FSTL4: variants seen among roughly 807,000 people sequenced by gnomAD.
The protein encoded by FSTL4 is follistatin-related protein 4.
Under a neutral mutation model 78.2 loss-of-function variants are expected in FSTL4, and 28 were observed. That is an observed-to-expected ratio of 0.36 (90% CI 0.27 to 0.49). FSTL4 has a LOEUF of 0.49. Among genes scored for constraint, FSTL4 ranks in the 20% least tolerant of loss-of-function variants. The pLI, the probability that FSTL4 is intolerant of heterozygous loss-of-function variation, is 0.98. For synonymous variants in FSTL4, 422 were observed against 440.5 expected (o/e 0.96, Z 0.53); for missense variants, 922 against 1,084.9 (o/e 0.85, Z 2.11).
chr5:133,392,046 G>A (rs1755862730), intron 4 of FSTL4, among the ~76,000 whole-genome samples: 1 of 152,166 alleles, frequency 6.6e-6, no homozygotes, highest in African/African-American at 2.4e-5. Flanking sequence ...AAGGGTTCGA[G>A]CAGGACAGCA....
chr5:133,381,344 C>T (rs542638747), intron 4 of FSTL4, among the ~76,000 whole-genome samples: 2 of 152,210 alleles, frequency 1.3e-5, no homozygotes, highest in South Asian at 4.1e-4. Flanking sequence ...TGACTATACC[C>T]CATATGAACT....
chr5:133,695,237 C>T, the FSTL4 span, among the ~76,000 whole-genome samples: 184 of 152,236 alleles, frequency 1.2e-3, no homozygotes, highest in African/African-American at 4.1e-3. Flanking sequence ...AATGAAGCTT[C>T]GCTAGCACAT....
chr5:133,638,920 A>AG, the FSTL4 span, among the ~76,000 whole-genome samples: 8 of 69,880 alleles, frequency 1.1e-4, no homozygotes, highest in South Asian at 9.1e-4. Flanking sequence ...CATGTATTTT[A>AG]GGTTTTTTTT....
At chr5:133,336,497 G>A (rs754799704) in intron 4 of FSTL4, among the ~76,000 whole-genome samples, 123 of 152,224 alleles carry the variant, frequency 8.1e-4, no homozygotes, top group Non-Finnish European at 1.5e-3. Context: ...TGCAGTCAGC[G>A]TTGAGTGCTG....
At chr5:133,407,792 C>A (rs1756395313) in intron 3 of FSTL4, among the ~76,000 whole-genome samples, 1 of 152,206 alleles carries the variant, frequency 6.6e-6, no homozygotes, top group Non-Finnish European at 1.5e-5. Context: ...AGATCAAACA[C>A]CAAACACAAG....
intron 13 of FSTL4, among the ~76,000 whole-genome samples, chr5:133,213,984 C>A (rs1306823319): frequency 6.6e-6 from 1 of 152,050 alleles, no homozygotes; most frequent in African/African-American, 2.4e-5. Context: ...GATTTTCAGG[C>A]AAGCAGCATT....
chr5:133,753,713 G>GTA, the FSTL4 span, among the ~76,000 whole-genome samples: 1 of 137,322 alleles, frequency 7.3e-6, no homozygotes, highest in East Asian at 2.1e-4. Flanking sequence ...GTGTGTGTGT[G>GTA]TGTGTGTGTG....
chr5:133,559,834 A>G (rs558457067), intron 3 of FSTL4, among the ~76,000 whole-genome samples: 1 of 152,342 alleles, frequency 6.6e-6, no homozygotes, highest in Admixed American at 6.5e-5. Flanking sequence ...TGAGGATGGT[A>G]GTTAAGGAAA....
intron 3 of FSTL4, among the ~76,000 whole-genome samples, chr5:133,419,000 C>T (rs749199141): frequency 2.7e-4 from 41 of 152,122 alleles, no homozygotes; most frequent in Non-Finnish European, 2.9e-4. Flanking sequence ...GTAGTAGATG[C>T]TCTTGTTTTG....
the FSTL4 span, among the ~76,000 whole-genome samples, chr5:133,655,709 A>G: frequency 6.6e-6 from 1 of 151,892 alleles, no homozygotes; most frequent in Non-Finnish European, 1.5e-5. Flanking sequence ...TTTCAGTGGG[A>G]AAAAAAAGAC....
intron 4 of FSTL4, among the ~76,000 whole-genome samples, chr5:133,349,540 C>A (rs988717241): frequency 2.0e-5 from 3 of 147,512 alleles, no homozygotes; most frequent in Non-Finnish European, 4.5e-5. Flanking sequence ...TGCTGCCATG[C>A]GACTGTAAAG....
intron 3 of FSTL4, among the ~76,000 whole-genome samples, chr5:133,413,004 TGG>T (rs1756509836): frequency 6.6e-6 from 1 of 152,162 alleles, no homozygotes; most frequent in South Asian, 2.1e-4. Context: ...TTCTCTCTTT[TGG>T]TTCCTTATTT....
At chr5:133,806,024 G>A in the FSTL4 span, among the ~76,000 whole-genome samples, 1 of 152,284 alleles carries the variant, frequency 6.6e-6, no homozygotes, top group Admixed American at 6.5e-5. Context: ...AAATTTGCTG[G>A]AATCACCCCA....
At chr5:133,590,740 G>A (rs7707853) in intron 2 of FSTL4, among the ~76,000 whole-genome samples, 2 of 152,144 alleles carry the variant, frequency 1.3e-5, no homozygotes, top group African/African-American at 4.8e-5. Context: ...AGTCCATTTT[G>A]TGCTGCTATA....
chr5:133,727,968 T>C, the FSTL4 span, among the ~76,000 whole-genome samples: 1 of 152,102 alleles, frequency 6.6e-6, no homozygotes, highest in Non-Finnish European at 1.5e-5. Context: ...ATCAGTAACT[T>C]ACAGACAGGT....
At chr5:133,816,531 G>A in the FSTL4 span, among the ~76,000 whole-genome samples, 28 of 152,258 alleles carry the variant, frequency 1.8e-4, no homozygotes, top group East Asian at 4.1e-3. Flanking sequence ...ATGGCACATC[G>A]ATCGGCTCCC....
intron 8 of FSTL4, among the ~76,000 whole-genome samples, chr5:133,227,065 T>G (rs2126796460): frequency 6.6e-6 from 1 of 152,282 alleles, no homozygotes; most frequent in African/African-American, 2.4e-5. Flanking sequence ...TGGGACACAG[T>G]TGGAGGCAGA....
the FSTL4 span, among the ~76,000 whole-genome samples, chr5:133,838,382 T>C: frequency 4.7e-4 from 71 of 152,368 alleles, no homozygotes; most frequent in Middle Eastern, 6.8e-3. Flanking sequence ...CCACAGTTAC[T>C]GTAGTCAGGA....
At chr5:133,658,585 C>A in the FSTL4 span, among the ~76,000 whole-genome samples, 1 of 152,090 alleles carries the variant, frequency 6.6e-6, no homozygotes, top group African/African-American at 2.4e-5. Flanking sequence ...CTGAAGAACA[C>A]TTCCAGTTCA....
Sources: gnomAD v4.1 joint callset for allele counts (sites outside exome capture counted in the v4.1 genomes callset) on GRCh38, gnomAD v4.1.1 for gene constraint, MANE v1.5 for transcripts, NCBI Gene and HGNC (gene_info 2026-07-23, HGNC 2026-07-21) for gene names.